DLG2: variants seen among roughly 807,000 people sequenced by gnomAD.
DLG2 encodes disks large homolog 2.
DLG2 carries 45 observed loss-of-function variants against 132.5 expected under a neutral mutation model. The ratio of observed to expected loss-of-function variants is 0.34; its 90% CI spans 0.27 to 0.44. The LOEUF (loss-of-function observed/expected upper bound fraction) is 0.44. Among genes scored for constraint, DLG2 ranks in the 20% least tolerant of loss-of-function variants. DLG2 has a pLI of 1.00. For missense variants in DLG2, 1,045 were observed against 1,196.9 expected (o/e 0.87, Z 1.87); for synonymous variants, 424 against 419.6 (o/e 1.01, Z -0.13).
chr11:84,294,623 A>G (rs1196754602), intron 7 of DLG2, among the ~76,000 whole-genome samples: 1 of 152,178 alleles, frequency 6.6e-6, no homozygotes, highest in Non-Finnish European at 1.5e-5. Context: ...ATGAAAATGA[A>G]GAACATCTCT....
In DLG2 at chr11:83,738,925, T is replaced by A. The variant is rs570550140; in HGVS notation, c.1825+47765A>T. On this transcript the variant is annotated intron_variant, in intron 18 of 27. Coordinates refer to ENST00000376104, the MANE Select transcript of DLG2 (RefSeq NM_001142699.3). The stretch of plus-strand genomic sequence containing the variant: ...TGCTCAACATCTTTTAAATGTTGCC[T>A]ACTGTTGGTGACAGTGAAGTCCAAA... Among the ~76,000 whole-genome samples, 4 of 152,306 alleles carry A rather than the reference T, an allele frequency of 2.6e-5. No homozygotes were observed. In the South Asian group the frequency reaches 8.3e-4, roughly 32 times the overall value.
intron 8 of DLG2, among the ~76,000 whole-genome samples, chr11:84,197,846 C>T (rs2096542165): frequency 6.6e-6 from 1 of 152,206 alleles, no homozygotes; most frequent in South Asian, 2.1e-4. Flanking sequence ...CCTAGAGTTT[C>T]TCAGATATTT....
chr11:85,481,775 C>A (rs2093297487), intron 3 of DLG2, among the ~76,000 whole-genome samples: 1 of 152,026 alleles, frequency 6.6e-6, no homozygotes, highest in South Asian at 2.1e-4. Flanking sequence ...CCACATAGTC[C>A]TAGTCATTGG....
intron 21 of DLG2, among the ~76,000 whole-genome samples, chr11:83,503,382 T>TA (rs2094536084): frequency 3.0e-5 from 1 of 33,224 alleles, no homozygotes; most frequent in Non-Finnish European, 5.8e-5. Flanking sequence ...TATATATATA[T>TA]ATATATATAT....
intron 19 of DLG2, among the ~76,000 whole-genome samples, chr11:83,585,864 T>C (rs1479348381): frequency 6.6e-6 from 1 of 152,144 alleles, no homozygotes; most frequent in Non-Finnish European, 1.5e-5. Context: ...ATCATTACCA[T>C]GGTATAATTA....
intron 3 of DLG2, among the ~76,000 whole-genome samples, chr11:85,358,581 A>G (rs2083916108): frequency 6.6e-6 from 1 of 152,232 alleles, no homozygotes; most frequent in Non-Finnish European, 1.5e-5. Flanking sequence ...TTCAAGGCAA[A>G]GACTATAAAA....
chr11:83,976,614 C>T lies in DLG2; in HGVS notation c.1056+3892G>A, dbSNP rs367869050. ...CTTCAGTGATTTTGTCTTTATTCTC[C>T]TTTTCAGGGTTATTTTGCTTGCAAA... On this transcript the variant is annotated intron_variant, in intron 12 of 27. Transcript: ENST00000376104. 3.2e-4 allele frequency among the ~76,000 whole-genome samples: 48 copies of T among 151,928 alleles called. No individual in the cohort carries two copies. The East Asian group carries it at 8.5e-3, about 27-fold the overall frequency.
intron 6 of DLG2, among the ~76,000 whole-genome samples, chr11:84,755,605 A>T (rs1216397897): frequency 2.0e-5 from 3 of 152,120 alleles, no homozygotes; most frequent in Non-Finnish European, 4.4e-5. Context: ...TTGTATTTTT[A>T]GTGGAGACGG....
In DLG2 at chr11:83,555,184, C is replaced by T. The variant is rs181132902; in HGVS notation, c.1941-13326G>A. 4.7e-3 allele frequency among the ~76,000 whole-genome samples: 710 copies of T among 152,334 alleles called. 4 individuals carry two copies. Among genetic ancestry groups the T allele is most frequent in the Non-Finnish European group, 7.6e-3 (520 of 68,030 alleles). On this transcript the variant is annotated intron_variant, in intron 19 of 27. Transcript: ENST00000376104. ...GCAGAGGCTCTGCAGTGGGAAACAGCAGGCAGCAAACCTGAAAGAAGATCA... is the reference window on the plus strand; with the variant it reads ...GCAGAGGCTCTGCAGTGGGAAACAGTAGGCAGCAAACCTGAAAGAAGATCA...
intron 3 of DLG2, among the ~76,000 whole-genome samples, chr11:85,416,791 T>A (rs1295293955): frequency 3.3e-5 from 5 of 152,322 alleles, no homozygotes; most frequent in African/African-American, 1.2e-4. Flanking sequence ...GACATTAATT[T>A]TGTATCCTGA....
intron 21 of DLG2, among the ~76,000 whole-genome samples, chr11:83,501,995 T>G (rs1386791818): frequency 1.3e-5 from 2 of 152,212 alleles, no homozygotes; most frequent in Non-Finnish European, 2.9e-5. Flanking sequence ...TTTTGCACTC[T>G]TCAAGGTACC....
chr11:84,080,705 C>T (rs764230856), intron 10 of DLG2, among the ~76,000 whole-genome samples: 5 of 151,948 alleles, frequency 3.3e-5, no homozygotes, highest in Non-Finnish European at 4.4e-5. Context: ...GAAAGCATTG[C>T]TTTGGGCTGG....
chr11:84,531,017 G>T (rs566148035), intron 7 of DLG2, among the ~76,000 whole-genome samples: 2 of 152,282 alleles, frequency 1.3e-5, no homozygotes, highest in Admixed American at 1.3e-4. Flanking sequence ...TCAGGAGGCT[G>T]AGGCAGGAGA....
At chr11:85,155,334 G>T (rs1185483389) in intron 4 of DLG2, among the ~76,000 whole-genome samples, 2 of 152,162 alleles carry the variant, frequency 1.3e-5, no homozygotes. Flanking sequence ...TCTGCCCTAC[G>T]ATTCTTTTGG....
intron 6 of DLG2, among the ~76,000 whole-genome samples, chr11:84,841,116 T>C (rs542853964): frequency 2.6e-5 from 4 of 151,752 alleles, no homozygotes; most frequent in African/African-American, 9.7e-5. Context: ...AGAATGAACA[T>C]CACATGACAC....
At chr11:83,577,559 A>AATATATATATATATATATATATATAT (rs1167372199) in intron 19 of DLG2, among the ~76,000 whole-genome samples, 4 of 78,442 alleles carry the variant, frequency 5.1e-5, no homozygotes, top group African/African-American at 1.5e-4. Flanking sequence ...GAATTAATAG[A>AATATATATATATATATATATATATAT]ATATATATAT....
At chr11:83,635,193 A>G (rs756284933) in intron 18 of DLG2, among the ~76,000 whole-genome samples, 1 of 152,162 alleles carries the variant, frequency 6.6e-6, no homozygotes, top group Admixed American at 6.5e-5. Flanking sequence ...GTGACTTATG[A>G]TCTCACCACT....
At chr11:84,216,167 T>C (rs895795967) in intron 8 of DLG2, among the ~76,000 whole-genome samples, 14 of 152,138 alleles carry the variant, frequency 9.2e-5, no homozygotes, top group Non-Finnish European at 5.9e-5. Context: ...TTCCTTCTCA[T>C]GCTTTCTTTG....
chr11:85,035,565 T>C (rs2061369887), intron 6 of DLG2, among the ~76,000 whole-genome samples: 1 of 152,126 alleles, frequency 6.6e-6, no homozygotes, highest in Admixed American at 6.6e-5. Context: ...ACCACCCCCA[T>C]GATCCAGTCA....
Sources: allele counts gnomAD v4.1 joint callset (sites outside exome capture counted in the v4.1 genomes callset), GRCh38; gene constraint gnomAD v4.1.1; transcripts MANE v1.5; gene names NCBI Gene and HGNC (gene_info 2026-07-23, HGNC 2026-07-21).